The following TG variants were observed in gnomAD, a reference collection of about 807,000 sequenced individuals.
The protein encoded by TG is thyroglobulin, also known as thyroid hormones.
A neutral mutation model predicts 324.7 loss-of-function variants in TG; 270 were observed. That is an observed-to-expected ratio of 0.83 (90% confidence interval 0.75 to 0.92). The LOEUF (loss-of-function observed/expected upper bound fraction) is 0.92, where lower values mean the gene tolerates loss of function less well. Ranked by LOEUF, TG falls within the 40% of genes least tolerant of loss-of-function variation. TG has a pLI of 0.00. For missense variants in TG, 3,591 were observed against 3,456.4 expected, an observed-to-expected ratio of 1.04 and a Z score of -0.98; for synonymous variants, 1,401 against 1,327.0, an observed-to-expected ratio of 1.06 and a Z score of -1.21.
At chr8:133,015,424 T>C (rs927491170) in intron 37 of TG, among the ~76,000 whole-genome samples, 3 of 152,240 alleles carry the variant, frequency 2.0e-5, no homozygotes, top group Admixed American at 6.5e-5. Context: ...TCACGTGGCC[T>C]CTGTGGGTAT....
At chr8:133,098,328 C>G (rs116099051) in intron 43 of TG, among the ~76,000 whole-genome samples, 4 of 152,074 alleles carry the variant, frequency 2.6e-5, no homozygotes, top group East Asian at 1.9e-4. Context: ...TATTATAAAC[C>G]CTTTATTGAA....
At chr8:132,969,097 C>G (rs1295752905) in intron 31 of TG, among the ~76,000 whole-genome samples, 2 of 126,680 alleles carry the variant, frequency 1.6e-5, no homozygotes, top group Admixed American at 7.1e-5. Flanking sequence ...CCACCTTCAC[C>G]CCCAGGGCTG....
intron 10 of TG, among the ~76,000 whole-genome samples, chr8:132,889,353 G>A (rs575062115): frequency 1.3e-5 from 2 of 152,320 alleles, no homozygotes; most frequent in South Asian, 4.1e-4. Flanking sequence ...TTCTTTGCAA[G>A]TTTAACATTG....
At position 132,870,020 on chromosome 8, in the gene TG, C is replaced by A. The variant is rs1273117914; in HGVS notation, c.274+194C>A. 3.9e-5 allele frequency among the ~76,000 whole-genome samples: 6 copies of A among 152,160 alleles called. No homozygotes were observed. The East Asian group carries it at 1.2e-3, about 29-fold the overall frequency. On this transcript the variant is annotated intron_variant, in intron 3 of 47. Coordinates refer to ENST00000220616, the MANE Select transcript of TG (RefSeq NM_003235.5). ...TGCAGGGCCACTGTGAAAGTCCAGT[C>A]ATTTGTTCAATAAATATCTACCCAG...
Position 132,979,898 on chromosome 8 carries a change from T to A in TG, c.6200-3452T>A, listed in dbSNP as rs111275764. 1.5e-3 allele frequency among the ~76,000 whole-genome samples: 232 copies of A among 152,150 alleles called. 2 individuals carry two copies. Among genetic ancestry groups the A allele is most frequent in the African/African-American group, 5.4e-3 (226 of 41,502 alleles). On this transcript the variant is annotated intron_variant, in intron 34 of 47. Transcript: ENST00000220616. ...AGACTGCCCCCACTTCAGATACCAA[T>A]CACAAGCCCTGAGCCTCCTGCACTT...
At chr8:132,943,556 G>A (rs1449527927) in intron 26 of TG, among the ~76,000 whole-genome samples, 1 of 152,148 alleles carries the variant, frequency 6.6e-6, no homozygotes, top group Non-Finnish European at 1.5e-5. Flanking sequence ...CACCAGCCCA[G>A]TGTTTTCCAG....
Position 132,882,487 on chromosome 8 carries a change from A to T in TG, c.764A>T (p.Asp255Val). ...TGCTCAGGTTTGGAGTTGTTACTGG[A>T]TGAAATTTATGACACCATTTTTGCT... ...LAETGLELLL[D>V]EIYDTIFAGL... Residue 255 changes from aspartate (D) to valine (V), a missense_variant, in exon 7 of 48, where the codon GAT becomes GTT. Coordinates refer to ENST00000220616, the MANE Select transcript of TG (RefSeq NM_003235.5). 6.2e-7 allele frequency: 1 copy of T among 1,614,170 alleles called. No homozygotes were observed.
chr8:133,050,662 G>A, intron 41 of TG: 1 of 611,416 alleles, frequency 1.6e-6, no homozygotes, highest in Non-Finnish European at 2.9e-6. Flanking sequence ...CCACATTAAA[G>A]AGGAAGGTTG....
intron 26 of TG, among the ~76,000 whole-genome samples, chr8:132,943,642 C>T (rs1824797387): frequency 1.3e-5 from 2 of 152,122 alleles, no homozygotes; most frequent in Non-Finnish European, 1.5e-5. Context: ...CATGGCACCA[C>T]AGAGTCCATG....
chr8:133,038,868 CTTA>C, intron 41 of TG: 2 of 611,544 alleles, frequency 3.3e-6, no homozygotes, highest in South Asian at 4.2e-5. Flanking sequence ...ATTTCTCTAA[CTTA>C]TTATTATTTT....
In TG at chr8:132,923,489, T is replaced by G. The variant is rs1440185425; in HGVS notation, c.4680T>G (p.Leu1560=). 6.2e-7 allele frequency: 1 copy of G among 1,613,972 alleles called. No individual in the cohort carries two copies. The highest frequency in any genetic ancestry group is 8.5e-7 in the Non-Finnish European group (1 of 1,179,944). ...RLPWWETEAP[L]EDSQCLMMQK... ...CATGGTGGGAAACAGAGGCCCCTCTTGAGGACTCACAGTGTTTGAGTAGGT... is the reference window on the plus strand; with the variant it reads ...CATGGTGGGAAACAGAGGCCCCTCTGGAGGACTCACAGTGTTTGAGTAGGT... Residue 1560 remains leucine, a synonymous_variant, in exon 22 of 48, where the codon CTT becomes CTG. Transcript: ENST00000220616.
chr8:133,029,321 G>T (rs953069844), intron 40 of TG, among the ~76,000 whole-genome samples: 1 of 152,170 alleles, frequency 6.6e-6, no homozygotes, highest in East Asian at 1.9e-4. Flanking sequence ...GCTAATAAAG[G>T]CTTCAGATGA....
chr8:133,106,297 A>G (rs1018343780), intron 43 of TG: 22 of 567,968 alleles, frequency 3.9e-5, no homozygotes, highest in South Asian at 1.5e-4. Context: ...AGGCAGGGCC[A>G]GGGGGAAGCA....
intron 41 of TG, among the ~76,000 whole-genome samples, chr8:133,071,103 C>T (rs1014036140): frequency 1.2e-4 from 19 of 152,208 alleles, no homozygotes; most frequent in African/African-American, 4.6e-4. Context: ...CCTGTGTCCA[C>T]CTCAGATTGG....
At chr8:133,091,526 C>T (rs761602699) in intron 41 of TG, among the ~76,000 whole-genome samples, 46 of 152,160 alleles carry the variant, frequency 3.0e-4, no homozygotes, top group Non-Finnish European at 3.1e-4. Flanking sequence ...GGATTCCTCC[C>T]GGGAAATGCT....
chr8:132,977,857 A>G (rs1013404157), intron 34 of TG, among the ~76,000 whole-genome samples: 4 of 152,198 alleles, frequency 2.6e-5, no homozygotes, highest in African/African-American at 9.7e-5. Flanking sequence ...AGGAATTGCC[A>G]CTAGGATCAA....
intron 41 of TG, chr8:133,074,975 G>A (rs539644351): frequency 2.6e-5 from 26 of 985,426 alleles, no homozygotes; most frequent in African/African-American, 2.6e-4. Flanking sequence ...CGGGCTTCTC[G>A]CGGTTGTGGA....
At chr8:132,937,133 G>A (rs914739390) in intron 25 of TG, among the ~76,000 whole-genome samples, 1 of 152,140 alleles carries the variant, frequency 6.6e-6, no homozygotes, top group African/African-American at 2.4e-5. Context: ...TTTCCTGAGG[G>A]CCCGAGGCCA....
chr8:133,094,425 A>G (rs760880930), intron 41 of TG, among the ~76,000 whole-genome samples: 6 of 151,906 alleles, frequency 3.9e-5, no homozygotes, highest in Non-Finnish European at 8.8e-5. Flanking sequence ...TATTTTTAGT[A>G]GAGATGGGGT....
Sources: allele counts gnomAD v4.1 joint callset (sites outside exome capture counted in the v4.1 genomes callset), GRCh38; gene constraint gnomAD v4.1.1; transcripts MANE v1.5; gene names NCBI Gene and HGNC (gene_info 2026-07-23, HGNC 2026-07-21).